NCKAP5: variants seen among roughly 807,000 people sequenced by gnomAD.
NCKAP5 encodes the protein NCK associated protein 5.
Under a neutral mutation model 167.0 loss-of-function variants are expected in NCKAP5, and 92 were observed. The ratio of observed to expected loss-of-function variants is 0.55; its 90% confidence interval spans 0.47 to 0.66. NCKAP5 has a LOEUF of 0.66. Ranked by LOEUF, NCKAP5 falls within the 30% of genes least tolerant of loss-of-function variation. NCKAP5 has a pLI of 0.00. For synonymous variants in NCKAP5, 891 were observed against 877.4 expected, an observed-to-expected ratio of 1.02 and a Z score of -0.27; for missense variants, 2,378 against 2,315.0, an observed-to-expected ratio of 1.03 and a Z score of -0.56.
chr2:133,477,682 A>C (rs1680053797), intron 3 of NCKAP5, among the ~76,000 whole-genome samples: 1 of 152,212 alleles, frequency 6.6e-6, no homozygotes, highest in African/African-American at 2.4e-5. Flanking sequence ...AGTTATGTGA[A>C]TGTGGTCTCT....
At chr2:132,999,437 G>A (rs529137238) in intron 6 of NCKAP5, among the ~76,000 whole-genome samples, 5 of 152,236 alleles carry the variant, frequency 3.3e-5, no homozygotes, top group African/African-American at 4.8e-5. Flanking sequence ...TTTAAAATAC[G>A]GACCACTGGG....
chr2:133,625,488 C>T, the NCKAP5 span, among the ~76,000 whole-genome samples: 30 of 152,162 alleles, frequency 2.0e-4, no homozygotes, highest in African/African-American at 7.2e-4. Context: ...GGGGCCTGGG[C>T]CATCTTGTCA....
chr2:132,869,250 G>A (rs1417242902), intron 9 of NCKAP5, among the ~76,000 whole-genome samples: 1 of 152,102 alleles, frequency 6.6e-6, no homozygotes, highest in Non-Finnish European at 1.5e-5. Flanking sequence ...TTGGAAAAAT[G>A]ATATCCTTTC....
intron 5 of NCKAP5, among the ~76,000 whole-genome samples, chr2:133,177,872 C>T (rs528046472): frequency 1.5e-4 from 23 of 152,318 alleles, no homozygotes; most frequent in African/African-American, 5.3e-4. Flanking sequence ...CAACAATTCC[C>T]CGTTGGGGTG....
intron 11 of NCKAP5, among the ~76,000 whole-genome samples, chr2:132,858,848 T>C (rs1689667492): frequency 6.6e-6 from 1 of 152,150 alleles, no homozygotes; most frequent in South Asian, 2.1e-4. Flanking sequence ...TATATACCCA[T>C]AGCACGTGTG....
intron 2 of NCKAP5, among the ~76,000 whole-genome samples, chr2:133,532,242 G>C (rs1284562609): frequency 6.6e-6 from 1 of 152,172 alleles, no homozygotes; most frequent in Non-Finnish European, 1.5e-5. Flanking sequence ...AATTCCAAAA[G>C]AATGGGTATT....
At chr2:133,361,596 G>A (rs1685107647) in intron 3 of NCKAP5, among the ~76,000 whole-genome samples, 1 of 152,196 alleles carries the variant, frequency 6.6e-6, no homozygotes, top group Non-Finnish European at 1.5e-5. Context: ...GAAGAAAACG[G>A]ACGTGAGCTT....
chr2:133,156,267 C>T (rs1176647085), intron 5 of NCKAP5, among the ~76,000 whole-genome samples: 3 of 152,156 alleles, frequency 2.0e-5, no homozygotes, highest in Non-Finnish European at 4.4e-5. Context: ...TGATTAATAG[C>T]ATCACTTCCT....
At chr2:133,538,548 A>C (rs1038472975) in intron 2 of NCKAP5, among the ~76,000 whole-genome samples, 1 of 152,084 alleles carries the variant, frequency 6.6e-6, no homozygotes, top group Non-Finnish European at 1.5e-5. Flanking sequence ...ATTTCTGTGA[A>C]CAAAAAAAAA....
intron 9 of NCKAP5, among the ~76,000 whole-genome samples, chr2:132,876,095 A>G (rs983663099): frequency 1.3e-5 from 2 of 152,004 alleles, no homozygotes; most frequent in Admixed American, 6.6e-5. Context: ...CATTTTGTTT[A>G]TTTATTTGAG....
intron 6 of NCKAP5, among the ~76,000 whole-genome samples, chr2:133,124,204 G>A (rs2082333388): frequency 6.6e-6 from 1 of 152,190 alleles, no homozygotes; most frequent in Admixed American, 6.5e-5. Flanking sequence ...GGGAGTGAAA[G>A]CTTGAGTTCC....
At chr2:132,976,013 A>AT (rs2076967683) in intron 7 of NCKAP5, among the ~76,000 whole-genome samples, 1 of 152,162 alleles carries the variant, frequency 6.6e-6, no homozygotes, top group South Asian at 2.1e-4. Flanking sequence ...TGTGTCTGAG[A>AT]TTCCCTGGCA....
At chr2:132,947,974 C>T (rs1432217817) in intron 8 of NCKAP5, among the ~76,000 whole-genome samples, 2 of 152,132 alleles carry the variant, frequency 1.3e-5, no homozygotes, top group East Asian at 3.9e-4. Context: ...CTCACCCTGA[C>T]CTGAGATGAA....
At chr2:132,744,540 C>T (rs1373745797) in intron 16 of NCKAP5, among the ~76,000 whole-genome samples, 2 of 151,080 alleles carry the variant, frequency 1.3e-5, no homozygotes, top group Admixed American at 1.3e-4. Context: ...AAAATAAGTG[C>T]TCTGAGACTT....
intron 8 of NCKAP5, among the ~76,000 whole-genome samples, chr2:132,906,622 G>A (rs1169666586): frequency 6.6e-6 from 1 of 152,170 alleles, no homozygotes; most frequent in East Asian, 1.9e-4. Flanking sequence ...ACCTTGCTTA[G>A]TTTGAACTTC....
At chr2:133,373,249 G>GTT (rs1339631909) in intron 3 of NCKAP5, among the ~76,000 whole-genome samples, 1 of 152,082 alleles carries the variant, frequency 6.6e-6, no homozygotes, top group Non-Finnish European at 1.5e-5. Context: ...ATTAGAGACA[G>GTT]GGTTTCACCA....
Position 132,783,899 on chromosome 2 carries a change from G to T in NCKAP5, c.2912C>A (p.Ser971Tyr), listed in dbSNP as rs748518547. The change falls in exon 14 of 20, where the codon TCC (serine) becomes TAC (tyrosine). Residue 971 changes from serine (S) to tyrosine (Y), a missense_variant. This residue lies in a region of NCKAP5 where 1,325 missense variants were observed against 1,274.5 expected (regional missense o/e 1.04). Transcript: ENST00000409261. ...PSETARTPFK[S>Y]PLLKGISAPV... is the part of the protein sequence containing the mutation. ...AGCAGAAATTCCTTTCAGCAGCGGG[G>T]ATTTGAATGGGGTCCTTGCTGTTTC... is the stretch of plus-strand genomic sequence containing the variant. 7.1e-6 allele frequency: 11 copies of T among 1,545,696 alleles called. No individual in the cohort carries two copies. Among genetic ancestry groups the T allele is most frequent in the African/African-American group, 4.2e-5 (3 of 72,286 alleles).
chr2:132,976,469 C>T (rs1458137617), intron 7 of NCKAP5, among the ~76,000 whole-genome samples: 1 of 148,948 alleles, frequency 6.7e-6, no homozygotes, highest in Non-Finnish European at 1.5e-5. Flanking sequence ...GAGGCTGAAG[C>T]AGGAGAATTG....
intron 6 of NCKAP5, among the ~76,000 whole-genome samples, chr2:133,058,507 C>A (rs2149507519): frequency 6.6e-6 from 1 of 152,198 alleles, no homozygotes; most frequent in African/African-American, 2.4e-5. Context: ...TTGAGGGGTA[C>A]AAACCTTCAG....
Sources: allele counts gnomAD v4.1 joint callset (sites outside exome capture counted in the v4.1 genomes callset), GRCh38; gene constraint gnomAD v4.1.1; regional missense constraint gnomAD v4.1.1; transcripts MANE v1.5; gene names NCBI Gene and HGNC (gene_info 2026-07-23, HGNC 2026-07-21).